Variants in IL1RAPL2 observed in about 807,000 individuals in gnomAD.
The protein encoded by IL1RAPL2 is interleukin 1 receptor accessory protein like 2, also known as X-linked interleukin-1 receptor accessory protein-like 2.
A neutral mutation model predicts 44.1 loss-of-function variants in IL1RAPL2; 3 were observed. The observed-to-expected ratio is 0.07, with a 90% CI of 0.03 to 0.18. The LOEUF is 0.18. Among genes scored for constraint, IL1RAPL2 ranks in the 10% least tolerant of loss-of-function variants. The probability of loss-of-function intolerance (pLI) is 1.00; values close to 1 mark genes in which losing one functional copy is unlikely to be tolerated. For missense variants in IL1RAPL2, 391 were observed against 496.4 expected, an observed-to-expected ratio of 0.79 and a Z score of 2.02; for synonymous variants, 181 against 178.8, an observed-to-expected ratio of 1.01 and a Z score of -0.10.
At chrX:104,846,290 G>A (rs768821951) in intron 2 of IL1RAPL2, among the ~76,000 whole-genome samples, 33 of 109,845 alleles carry the variant, frequency 3.0e-4, no homozygotes, top group Admixed American at 2.5e-3. Context: ...TTGGTGTGCC[G>A]CACCCATTAA....
chrX:104,744,523 G>A (rs922424924), intron 2 of IL1RAPL2, among the ~76,000 whole-genome samples: 31 of 111,090 alleles, frequency 2.8e-4, no homozygotes, highest in African/African-American at 9.8e-4. Context: ...CTAGCTGTGA[G>A]ATTAAACAGT....
At chrX:105,257,949 G>A (rs1053238348) in intron 4 of IL1RAPL2, among the ~76,000 whole-genome samples, 2 of 111,579 alleles carry the variant, frequency 1.8e-5, no homozygotes, top group East Asian at 5.7e-4. Flanking sequence ...GTATTAATAC[G>A]TTTGGATTTG....
At chrX:105,399,554 TG>T (rs1448816707) in intron 5 of IL1RAPL2, among the ~76,000 whole-genome samples, 1 of 111,253 alleles carries the variant, frequency 9.0e-6, no homozygotes, top group African/African-American at 3.3e-5. Flanking sequence ...CTTCCATTTT[TG>T]TATCTCCTGT....
At chrX:104,823,338 C>A (rs931243375) in intron 2 of IL1RAPL2, among the ~76,000 whole-genome samples, 1 of 110,590 alleles carries the variant, frequency 9.0e-6, no homozygotes, top group Non-Finnish European at 1.9e-5. Flanking sequence ...CTATGAGTGA[C>A]AATATGCGGT....
chrX:104,984,667 T>C lies in IL1RAPL2; in HGVS notation c.83-210808T>C, dbSNP rs1409960703. Among the ~76,000 whole-genome samples, 4 of 112,130 alleles carry C rather than the reference T, an allele frequency of 3.6e-5. No individual in the cohort carries two copies. In the East Asian group the frequency reaches 1.1e-3, roughly 32 times the overall value. On this transcript the variant is annotated intron_variant, in intron 2 of 10. Transcript: ENST00000372582. ...ATGGGTTAGGGATTCCATTTTACAT[T>C]AAGGTCAAATAAATTTTCTCAGGTT...
At chrX:104,723,340 T>C (rs1019776933) in intron 2 of IL1RAPL2, among the ~76,000 whole-genome samples, 1 of 111,316 alleles carries the variant, frequency 9.0e-6, no homozygotes, top group African/African-American at 3.3e-5. Flanking sequence ...TTCAGAAATA[T>C]TGCAGATACA....
intron 5 of IL1RAPL2, among the ~76,000 whole-genome samples, chrX:105,395,412 T>C (rs1272127135): frequency 9.1e-6 from 1 of 109,839 alleles, no homozygotes; most frequent in Non-Finnish European, 1.9e-5. Context: ...ATTCTTAAAC[T>C]CATTTTAGAG....
chrX:104,895,610 T>G (rs1487395857), intron 2 of IL1RAPL2, among the ~76,000 whole-genome samples: 1 of 112,623 alleles, frequency 8.9e-6, no homozygotes, highest in Non-Finnish European at 1.9e-5. Flanking sequence ...TGTCCTTGTG[T>G]GCCATTTGCT....
At chrX:104,972,543 G>T (rs767080011) in intron 2 of IL1RAPL2, among the ~76,000 whole-genome samples, 1 of 111,682 alleles carries the variant, frequency 9.0e-6, no homozygotes, top group African/African-American at 3.3e-5. Flanking sequence ...CCAGAAGATG[G>T]AACTCTCTAT....
At chrX:105,679,358 T>C (rs1471196258) in intron 6 of IL1RAPL2, among the ~76,000 whole-genome samples, 1 of 112,098 alleles carries the variant, frequency 8.9e-6, no homozygotes, top group African/African-American at 3.2e-5. Flanking sequence ...AAAGTTCACT[T>C]TCAGAACAAG....
At chrX:104,568,670 C>T (rs1425940374) in intron 1 of IL1RAPL2, among the ~76,000 whole-genome samples, 2 of 111,828 alleles carry the variant, frequency 1.8e-5, no homozygotes, top group Non-Finnish European at 3.8e-5. Flanking sequence ...CTTCTTGCCG[C>T]ACAGAACGCG....
chrX:105,764,797 C>CTCTA (rs2038716334), intron 10 of IL1RAPL2, among the ~76,000 whole-genome samples: 3 of 110,880 alleles, frequency 2.7e-5, no homozygotes, highest in African/African-American at 6.6e-5. Flanking sequence ...CACAGCAAGA[C>CTCTA]TCTATCTCAA....
intron 6 of IL1RAPL2, among the ~76,000 whole-genome samples, chrX:105,638,188 A>C (rs762662566): frequency 4.5e-5 from 5 of 112,207 alleles, no homozygotes; most frequent in Non-Finnish European, 9.4e-5. Flanking sequence ...CATAAGGAAG[A>C]GCATCATATA....
At chrX:105,290,941 C>G (rs1214042847) in intron 5 of IL1RAPL2, among the ~76,000 whole-genome samples, 3 of 111,474 alleles carry the variant, frequency 2.7e-5, no homozygotes, top group African/African-American at 9.8e-5. Context: ...AAAAATGGGT[C>G]AAGTGCTGAG....
intron 2 of IL1RAPL2, among the ~76,000 whole-genome samples, chrX:105,015,884 A>G (rs771144489): frequency 2.7e-5 from 3 of 111,624 alleles, no homozygotes; most frequent in African/African-American, 9.8e-5. Flanking sequence ...ATAGCATTGA[A>G]TCTATAAATT....
At chrX:105,211,590 C>T (rs1163501434) in intron 3 of IL1RAPL2, among the ~76,000 whole-genome samples, 1 of 111,228 alleles carries the variant, frequency 9.0e-6, no homozygotes, top group Non-Finnish European at 1.9e-5. Flanking sequence ...TGATGCAACT[C>T]CCCAGCTGGT....
chrX:104,854,877 TC>T (rs1922316202), intron 2 of IL1RAPL2, among the ~76,000 whole-genome samples: 1 of 111,645 alleles, frequency 9.0e-6, no homozygotes, highest in South Asian at 3.7e-4. Context: ...GGCCAATTTT[TC>T]CTTAAATTGG....
intron 2 of IL1RAPL2, among the ~76,000 whole-genome samples, chrX:104,697,345 C>A (rs1931198622): frequency 8.9e-6 from 1 of 112,562 alleles, no homozygotes. Flanking sequence ...TGACTTTAAG[C>A]CTCCTTCAGT....
intron 1 of IL1RAPL2, among the ~76,000 whole-genome samples, chrX:104,585,294 A>ATT: frequency 4.6e-5 from 1 of 21,822 alleles, no homozygotes; most frequent in Non-Finnish European, 6.3e-5. Context: ...ATAATATATT[A>ATT]TATATTATAT....
Sources: gnomAD v4.1 joint callset for allele counts (sites outside exome capture counted in the v4.1 genomes callset) on GRCh38, gnomAD v4.1.1 for gene constraint, MANE v1.5 for transcripts, NCBI Gene and HGNC (gene_info 2026-07-23, HGNC 2026-07-21) for gene names.